Variants in TNKS observed in about 807,000 individuals in gnomAD.
The protein encoded by TNKS is tankyrase, also known as poly [ADP-ribose] polymerase tankyrase-1.
TNKS carries 72 observed loss-of-function variants against 135.8 expected under a neutral mutation model. The observed-to-expected ratio is 0.53, with a 90% CI of 0.44 to 0.64. TNKS has a LOEUF of 0.64. Ranked by LOEUF, TNKS falls within the 30% of genes least tolerant of loss-of-function variation. The pLI is 0.00. For missense variants in TNKS, 1,769 were observed against 1,674.0 expected (o/e 1.06, Z -0.99); for synonymous variants, 849 against 649.3 (o/e 1.31, Z -4.68).
At chr8:9,610,887 A>G (rs1458065505) in intron 2 of TNKS, among the ~76,000 whole-genome samples, 1 of 152,248 alleles carries the variant, frequency 6.6e-6, no homozygotes, top group Non-Finnish European at 1.5e-5. Context: ...ATTTAACAGA[A>G]TGAGTCTTTG....
At chr8:9,715,364 G>GT (rs1309685691) in intron 11 of TNKS, among the ~76,000 whole-genome samples, 1 of 94,286 alleles carries the variant, frequency 1.1e-5, no homozygotes, top group Admixed American at 1.0e-4. Context: ...AGCAGCAGGG[G>GT]GGGCGGGTAT....
At chr8:9,643,752 C>T (rs139237515) in intron 3 of TNKS, among the ~76,000 whole-genome samples, 59 of 152,256 alleles carry the variant, frequency 3.9e-4, no homozygotes, top group African/African-American at 1.2e-3. Flanking sequence ...CCATATGACC[C>T]GGCAATTCTG....
Position 9,704,730 on chromosome 8 carries a change from G to T in TNKS, c.1175G>T (p.Gly392Val). ...ATAGTTCAGCTTCTTCTTCAGCATG[G>T]TGCTGATGTTCATGCAAAAGACAAA... ...VRIVQLLLQH[G>V]ADVHAKDKGG... Residue 392 changes from glycine (G) to valine (V), a missense_variant, in exon 6 of 27, where the codon GGT (glycine) becomes GTT (valine). Around this residue, in one of 5 missense-constraint regions of TNKS, gnomAD observed 523 missense variants for 541.0 expected, o/e 0.97. Coordinates refer to ENST00000310430, the MANE Select transcript of TNKS (RefSeq NM_003747.3). The T allele has an allele frequency of 6.2e-7, 1 of 1,613,288 alleles. No homozygotes were observed. Among genetic ancestry groups the T allele is most frequent in the Non-Finnish European group, 8.5e-7 (1 of 1,179,398 alleles).
intron 2 of TNKS, among the ~76,000 whole-genome samples, chr8:9,605,516 G>A (rs1192046932): frequency 1.3e-5 from 2 of 152,016 alleles, no homozygotes; most frequent in East Asian, 3.8e-4. Flanking sequence ...GACTAAGTAT[G>A]TATGCTAGGA....
chr8:9,580,834 C>G (rs1798137179), intron 2 of TNKS, among the ~76,000 whole-genome samples: 1 of 152,034 alleles, frequency 6.6e-6, no homozygotes. Flanking sequence ...TAGTTCAGAA[C>G]TTAATCGTTT....
intron 26 of TNKS, among the ~76,000 whole-genome samples, chr8:9,771,444 G>T (rs1169175624): frequency 1.3e-5 from 1 of 77,758 alleles, no homozygotes; most frequent in African/African-American, 4.7e-5. Flanking sequence ...CAGAGGAAAG[G>T]AAAAGAGAGA....
chr8:9,655,588 A>G (rs1157168218), intron 3 of TNKS, among the ~76,000 whole-genome samples: 2 of 152,194 alleles, frequency 1.3e-5, no homozygotes, highest in Non-Finnish European at 2.9e-5. Context: ...GTTCACCAAT[A>G]TCCGCTGTTC....
intron 2 of TNKS, among the ~76,000 whole-genome samples, chr8:9,602,690 C>G (rs1383187496): frequency 6.6e-6 from 1 of 152,134 alleles, no homozygotes; most frequent in African/African-American, 2.4e-5. Context: ...TGTTCATTAG[C>G]AATGTAATGC....
chr8:9,567,252 A>G (rs1385088361), intron 1 of TNKS, among the ~76,000 whole-genome samples: 2 of 152,170 alleles, frequency 1.3e-5, no homozygotes, highest in African/African-American at 4.8e-5. Context: ...ACTTTTTTGT[A>G]AGTATGGTAT....
At chr8:9,733,762 C>A (rs1805558060) in intron 15 of TNKS, among the ~76,000 whole-genome samples, 1 of 152,066 alleles carries the variant, frequency 6.6e-6, no homozygotes, top group Non-Finnish European at 1.5e-5. Flanking sequence ...GAGAAACAAG[C>A]TTTTCAATCA....
chr8:9,560,945 G>A (rs903737040), intron 1 of TNKS, among the ~76,000 whole-genome samples: 1 of 152,012 alleles, frequency 6.6e-6, no homozygotes, highest in Admixed American at 6.6e-5. Context: ...CTCTTTGGAA[G>A]CAAATGATTT....
intron 1 of TNKS, among the ~76,000 whole-genome samples, chr8:9,578,529 C>A (rs945553456): frequency 5.9e-5 from 9 of 152,174 alleles, no homozygotes; most frequent in African/African-American, 2.2e-4. Context: ...CTTTGTAATA[C>A]ATATCTGTGG....
intron 23 of TNKS, 146 bp from the exon 24 acceptor site, chr8:9,765,546 T>G: frequency 3.1e-6 from 2 of 653,082 alleles, no homozygotes; most frequent in Middle Eastern, 4.2e-4. Context: ...TTTTCTGAAT[T>G]ACACTGACAT....
chr8:9,615,622 T>C lies in TNKS; in HGVS notation c.939T>C (p.Thr313=), dbSNP rs751926441. ...QHGADPNIRN[T]DGKSALDLAD... is the part of the protein sequence containing the mutation. ...GAGCTGACCCAAACATTCGGAACAC[T>C]GATGGGAAATCAGCCCTGGACCTGG... The change falls in exon 3 of 27, where the codon ACT becomes ACC. Residue 313 remains threonine (T), a synonymous_variant. Coordinates refer to ENST00000310430, the MANE Select transcript of TNKS (RefSeq NM_003747.3). 6.2e-7 allele frequency: 1 copy of C among 1,613,630 alleles called. No homozygotes were observed. Among genetic ancestry groups the C allele is most frequent in the African/African-American group, 1.3e-5 (1 of 74,900 alleles).
rs1013247612 is a variant in TNKS at position 9,649,860 on chromosome 8, C to G, written c.995-30091C>G. ...CATGGTGTATATATATACCACAGTT[C>G]TTTCTTTCTTTTCTTTTCTTTTTTT... On this transcript the variant is annotated intron_variant, in intron 3 of 26. Transcript: ENST00000310430. Among the ~76,000 whole-genome samples the G allele has an allele frequency of 9.4e-5, 13 of 137,964 alleles. 1 individual carries two copies. The highest frequency in any genetic ancestry group is 2.9e-4 in the African/African-American group (10 of 34,644). 90.5% of individuals were successfully genotyped at this position (137,964 alleles called of 152,430 possible).
At chr8:9,648,682 T>C (rs1176194660) in intron 3 of TNKS, among the ~76,000 whole-genome samples, 1 of 152,186 alleles carries the variant, frequency 6.6e-6, no homozygotes, top group Non-Finnish European at 1.5e-5. Context: ...GTGACATTAC[T>C]AGGTGATAGA....
intron 2 of TNKS, among the ~76,000 whole-genome samples, 174 bp downstream of exon 2, chr8:9,580,557 G>T (rs1798127101): frequency 6.6e-6 from 1 of 152,142 alleles, no homozygotes; most frequent in Admixed American, 6.6e-5. Context: ...TTACTTAGGG[G>T]AAGACTCACA....
chr8:9,665,187 A>T (rs1801930797), intron 3 of TNKS, among the ~76,000 whole-genome samples: 2 of 152,116 alleles, frequency 1.3e-5, no homozygotes, highest in African/African-American at 2.4e-5. Context: ...GAAATTTGTT[A>T]CATTGGTTTC....
At chr8:9,691,430 AG>A (rs1803262872) in intron 5 of TNKS, among the ~76,000 whole-genome samples, 1 of 152,200 alleles carries the variant, frequency 6.6e-6, no homozygotes, top group Admixed American at 6.5e-5. Flanking sequence ...GTCAGAACCA[AG>A]GAGATCCCTG....
Sources: allele counts gnomAD v4.1 joint callset (sites outside exome capture counted in the v4.1 genomes callset), GRCh38; gene constraint gnomAD v4.1.1; regional missense constraint gnomAD v4.1.1; transcripts MANE v1.5; gene names NCBI Gene and HGNC (gene_info 2026-07-23, HGNC 2026-07-21).